COL24A1: variants seen among roughly 807,000 people sequenced by gnomAD.
COL24A1 encodes collagen alpha-1(XXIV) chain.
Under a neutral mutation model 253.9 loss-of-function variants are expected in COL24A1, and 224 were observed. The observed-to-expected ratio is 0.88, with a 90% CI of 0.79 to 0.99. The LOEUF (loss-of-function observed/expected upper bound fraction) is 0.99. Among genes scored for constraint, COL24A1 ranks in the 50% least tolerant of loss-of-function variants. The pLI is 0.00. For synonymous variants in COL24A1, 685 were observed against 673.7 expected, an observed-to-expected ratio of 1.02 and a Z score of -0.26; for missense variants, 2,131 against 2,068.5, an observed-to-expected ratio of 1.03 and a Z score of -0.59.
At chr1:85,859,998 T>C (rs1286791464) in intron 37 of COL24A1, among the ~76,000 whole-genome samples, 3 of 152,188 alleles carry the variant, frequency 2.0e-5, no homozygotes, top group African/African-American at 7.2e-5. Flanking sequence ...TTTATCTATG[T>C]CATGTTGATT....
At chr1:85,859,688 C>T (rs1323353897) in intron 37 of COL24A1, among the ~76,000 whole-genome samples, 1 of 152,090 alleles carries the variant, frequency 6.6e-6, no homozygotes, top group Non-Finnish European at 1.5e-5. Flanking sequence ...TAATATTTTG[C>T]TCCAAAATGT....
chr1:85,914,676 C>T (rs1020750005), intron 24 of COL24A1, among the ~76,000 whole-genome samples: 3 of 152,180 alleles, frequency 2.0e-5, no homozygotes, highest in Non-Finnish European at 2.9e-5. Flanking sequence ...CAGGTGTAAG[C>T]CACTGCTCCT....
Position 86,125,388 on chromosome 1 carries a change from A to G in COL24A1, c.948T>C (p.Ser316=). The change falls in exon 3 of 60, where the codon TCT becomes TCC. Residue 316 remains serine, a synonymous_variant. Coordinates refer to ENST00000370571, the MANE Select transcript of COL24A1 (RefSeq NM_152890.7). ...EHQISRSQLS[S]LQSGNVSAVD... ...CAGCAGAGACATTTCCTGACTGAAG[A>G]GAAGATAACTGAGATCTTGATATCT... 6.2e-7 allele frequency: 1 copy of G among 1,613,686 alleles called. No homozygotes were observed. Among genetic ancestry groups the G allele is most frequent in the Non-Finnish European group, 8.5e-7 (1 of 1,179,820 alleles).
chr1:86,047,143 C>T (rs1699967793), intron 11 of COL24A1, among the ~76,000 whole-genome samples: 1 of 152,076 alleles, frequency 6.6e-6, no homozygotes, highest in African/African-American at 2.4e-5. Context: ...GCTATTTGTC[C>T]AGAGACAGGC....
At chr1:86,012,214 G>T (rs1347070927) in intron 19 of COL24A1, among the ~76,000 whole-genome samples, 1 of 152,162 alleles carries the variant, frequency 6.6e-6, no homozygotes, top group Non-Finnish European at 1.5e-5. Flanking sequence ...TTCTATAGCT[G>T]GCAGTTTTAT....
At chr1:85,940,561 G>A (rs1688660902) in intron 24 of COL24A1, among the ~76,000 whole-genome samples, 1 of 151,798 alleles carries the variant, frequency 6.6e-6, no homozygotes, top group South Asian at 2.1e-4. Flanking sequence ...TAGAATATAA[G>A]ACAAGCACTT....
At position 85,984,690 on chromosome 1, in the gene COL24A1, A is replaced by T. The variant is rs1336719783; in HGVS notation, c.2364+2911T>A. ...CTCTCTCAACTTCCTTCATACTTCT[A>T]TTTCTGCTTTTCAACCTGGTTTACC... On this transcript the variant is annotated intron_variant, in intron 20 of 59. Transcript: ENST00000370571. Among the ~76,000 whole-genome samples, 8 of 151,832 alleles carry T rather than the reference A, an allele frequency of 5.3e-5. No individual in the cohort carries two copies. The South Asian group carries it at 1.5e-3, about 28-fold the overall frequency.
intron 1 of COL24A1, 43 bp from the exon 2 acceptor site, chr1:86,146,226 A>G: frequency 6.8e-7 from 1 of 1,479,914 alleles, no homozygotes; most frequent in Non-Finnish European, 9.4e-7. Flanking sequence ...TACTAGTTGG[A>G]CATTTACAAC....
intron 51 of COL24A1, 71 bp from the exon 52 acceptor site, chr1:85,781,344 T>C (rs1363795091): frequency 9.5e-7 from 1 of 1,049,230 alleles, no homozygotes; most frequent in East Asian, 2.4e-5. Flanking sequence ...CAGAATCTCT[T>C]GTACAATGGT....
At chr1:86,089,907 C>G (rs1229853473) in intron 6 of COL24A1, among the ~76,000 whole-genome samples, 1 of 152,126 alleles carries the variant, frequency 6.6e-6, no homozygotes. Context: ...AGGTGTCACC[C>G]CTACTCCGTT....
chr1:85,831,422 G>A (rs1675268499), intron 43 of COL24A1, among the ~76,000 whole-genome samples: 1 of 152,046 alleles, frequency 6.6e-6, no homozygotes, highest in Non-Finnish European at 1.5e-5. Flanking sequence ...ATAGCCAACT[G>A]CCTCTCCTGG....
intron 7 of COL24A1, among the ~76,000 whole-genome samples, chr1:86,069,669 G>A (rs957316753): frequency 8.6e-5 from 13 of 151,902 alleles, no homozygotes; most frequent in African/African-American, 3.1e-4. Context: ...GAGAGAGAGA[G>A]AGAGGAGAGA....
chr1:85,945,015 T>TTTTTTTTTTTTG (rs1689162017), intron 24 of COL24A1, among the ~76,000 whole-genome samples: 2 of 82,994 alleles, frequency 2.4e-5, no homozygotes, highest in African/African-American at 4.5e-5. Flanking sequence ...TTTTTTTTTT[T>TTTTTTTTTTTTG]TTTTTTTTTT....
intron 20 of COL24A1, among the ~76,000 whole-genome samples, chr1:85,983,315 G>A (rs930200344): frequency 4.0e-5 from 6 of 151,894 alleles, no homozygotes; most frequent in South Asian, 2.1e-4. Flanking sequence ...TCTTGAAAGC[G>A]GATTCCCAAA....
rs1048280672 is a variant in COL24A1 at position 85,944,055 on chromosome 1, C to T, written c.2562+17194G>A. On this transcript the variant is annotated intron_variant, in intron 24 of 59. Coordinates refer to ENST00000370571, the MANE Select transcript of COL24A1 (RefSeq NM_152890.7). ...AAGAGATGTCCTTTTTGTACATTCG[C>T]ATTTGTGAAAGATAAAATTTCTACA... is the stretch of plus-strand genomic sequence containing the variant. Among the ~76,000 whole-genome samples, 7 of 152,170 alleles carry T rather than the reference C, an allele frequency of 4.6e-5. 1 individual carries two copies. Among genetic ancestry groups the T allele is most frequent in the Admixed American group, 3.9e-4 (6 of 15,274 alleles).
chr1:85,952,425 A>T (rs1690025053), intron 24 of COL24A1, among the ~76,000 whole-genome samples: 1 of 152,246 alleles, frequency 6.6e-6, no homozygotes, highest in Admixed American at 6.5e-5. Context: ...ACACAAAATA[A>T]ATATGTGAGA....
chr1:85,831,812 T>A (rs34635832), intron 43 of COL24A1, among the ~76,000 whole-genome samples: 16,135 of 152,106 alleles, frequency 0.11, 1,344 homozygotes, highest in Non-Finnish European at 0.16. Context: ...AAAATGGATC[T>A]GAGAGGGCTA....
intron 5 of COL24A1, among the ~76,000 whole-genome samples, chr1:86,108,236 C>T (rs1055188617): frequency 2.0e-5 from 3 of 151,958 alleles, no homozygotes; most frequent in Non-Finnish European, 4.4e-5. Context: ...TTGATACGTT[C>T]TTATAATCAA....
chr1:86,030,012 T>C (rs1698412404), intron 14 of COL24A1: 1 of 151,988 alleles, frequency 6.6e-6, no homozygotes, highest in Admixed American at 6.6e-5. Context: ...ATAAACAAGT[T>C]GCACATTATA....
Sources: allele counts gnomAD v4.1 joint callset (sites outside exome capture counted in the v4.1 genomes callset), GRCh38; gene constraint gnomAD v4.1.1; transcripts MANE v1.5; gene names NCBI Gene and HGNC (gene_info 2026-07-23, HGNC 2026-07-21).